Variants in TRIM61 observed in about 807,000 individuals in gnomAD.
TRIM61 encodes tripartite motif containing 61.
In TRIM61, 1 loss-of-function variant was observed where a neutral mutation model predicts 14.2. The observed-to-expected ratio is 0.07, with a 90% CI of 0.03 to 0.33. TRIM61 has a LOEUF of 0.33. Among genes scored for constraint, TRIM61 ranks in the 10% least tolerant of loss-of-function variants. The pLI is 0.99. For missense variants in TRIM61, 19 were observed against 202.2 expected, an observed-to-expected ratio of 0.09 and a Z score of 5.49; for synonymous variants, 8 against 71.6, an observed-to-expected ratio of 0.11 and a Z score of 4.49.
chr4:164,975,810 G>A (rs1732468523), intron 2 of TRIM61, among the ~76,000 whole-genome samples: 1 of 152,080 alleles, frequency 6.6e-6, no homozygotes, highest in African/African-American at 2.4e-5. Context: ...CCCGTAAAGG[G>A]TCTGTGCTGA....
chr4:164,964,323 G>A (rs1417830259), intron 3 of TRIM61, among the ~76,000 whole-genome samples: 1 of 150,350 alleles, frequency 6.7e-6, no homozygotes, highest in Non-Finnish European at 1.5e-5. Context: ...ACTCCAGCCT[G>A]GGTGACAGAG....
intron 2 of TRIM61, among the ~76,000 whole-genome samples, chr4:164,972,392 A>G (rs1732388942): frequency 1.3e-5 from 2 of 152,202 alleles, no homozygotes; most frequent in Admixed American, 6.5e-5. Context: ...AGAGCCATGT[A>G]TTGCATTTGC....
At chr4:164,977,329 T>C (rs919610004) in intron 1 of TRIM61, among the ~76,000 whole-genome samples, 2 of 152,172 alleles carry the variant, frequency 1.3e-5, no homozygotes, top group Non-Finnish European at 2.9e-5. Flanking sequence ...ATTTAAAGCT[T>C]AATTGATACA....
At chr4:164,960,177 A>G (rs116642202) in intron 3 of TRIM61, among the ~76,000 whole-genome samples, 48 of 152,254 alleles carry the variant, frequency 3.2e-4, no homozygotes, top group African/African-American at 1.2e-3. Context: ...ATTCTATATC[A>G]CAGCCCTCAG....
chr4:164,967,662 AAAAT>A lies in TRIM61; in HGVS notation c.525+1812_525+1815del, dbSNP rs1025012567. On this transcript the variant is annotated intron_variant, in intron 3 of 4. Coordinates refer to ENST00000329314, the MANE Select transcript of TRIM61 (RefSeq NM_001012414.3). ...ATACTAACAAAGGCACACACAATAA[AAAAT>A]AAAGTAAGTTACTTAGAAATATGGA... 7.9e-5 allele frequency among the ~76,000 whole-genome samples: 12 copies of A among 152,148 alleles called. No individual in the cohort carries two copies. The South Asian group carries it at 1.0e-3, about 13-fold the overall frequency.
intron 3 of TRIM61, chr4:164,956,851 C>T (rs1157201461): frequency 9.1e-6 from 6 of 662,738 alleles, no homozygotes; most frequent in Middle Eastern, 4.2e-4. Flanking sequence ...CTTCAGCACC[C>T]CAAGCACTGC....
chr4:164,967,444 T>C, intron 3 of TRIM61, among the ~76,000 whole-genome samples: 1 of 152,200 alleles, frequency 6.6e-6, no homozygotes, highest in East Asian at 1.9e-4. Flanking sequence ...AAGATGGAAC[T>C]AAGTTAAGAT....
intron 2 of TRIM61, among the ~76,000 whole-genome samples, chr4:164,975,802 C>T (rs1013229494): frequency 2.6e-5 from 4 of 152,110 alleles, no homozygotes; most frequent in African/African-American, 7.2e-5. Flanking sequence ...GCCTGACACC[C>T]GTAAAGGGTC....
intron 3 of TRIM61, among the ~76,000 whole-genome samples, chr4:164,960,764 A>G (rs1360476266): frequency 1.3e-5 from 2 of 152,142 alleles, no homozygotes; most frequent in African/African-American, 2.4e-5. Context: ...CAGCCTAACC[A>G]ACGTGGTGAA....
chr4:164,957,300 G>GCCGCGTGCCCTGTCAGCC, intron 3 of TRIM61: 1 of 1,614,158 alleles, frequency 6.2e-7, no homozygotes, highest in Non-Finnish European at 8.5e-7. Flanking sequence ...AGCCGCTCAT[G>GCCGCGTGCCCTGTCAGCC]GTGCCCAGAG....
chr4:164,966,242 G>A (rs1732236491), intron 3 of TRIM61, among the ~76,000 whole-genome samples: 1 of 152,122 alleles, frequency 6.6e-6, no homozygotes, highest in African/African-American at 2.4e-5. Context: ...TTAACTACAG[G>A]AAACTGTTAT....
Position 164,959,810 on chromosome 4 carries a change from A to G in TRIM61, c.526-4714T>C, listed in dbSNP as rs574334924. The stretch of plus-strand genomic sequence containing the variant: ...ACTCTGCCTAACTCCTGGCTCGATT[A>G]ATACAAACACACCCTCACTACGGGC... On this transcript the variant is annotated intron_variant, in intron 3 of 4. Coordinates refer to ENST00000329314, the MANE Select transcript of TRIM61 (RefSeq NM_001012414.3). Among the ~76,000 whole-genome samples the G allele has an allele frequency of 5.3e-5, 8 of 152,342 alleles. No individual in the cohort carries two copies. The East Asian group carries it at 1.5e-3, about 29-fold the overall frequency.
chr4:164,955,118 AATT>A (rs1172117844), intron 3 of TRIM61: 1 of 201,712 alleles, frequency 5.0e-6, no homozygotes, highest in Non-Finnish European at 1.0e-5. Flanking sequence ...AAAAAAAAAA[AATT>A]ATTATGGTAT....
chr4:164,957,047 G>A (rs892756639), intron 3 of TRIM61: 8 of 1,507,820 alleles, frequency 5.3e-6, no homozygotes, highest in Non-Finnish European at 5.3e-6. Flanking sequence ...GGTGCGGCGG[G>A]GCAGCTGTCC....
chr4:164,967,302 A>T (rs1181587680), intron 3 of TRIM61, among the ~76,000 whole-genome samples: 1 of 152,236 alleles, frequency 6.6e-6, no homozygotes, highest in East Asian at 1.9e-4. Flanking sequence ...CTCCGTATTA[A>T]TCTAAAAAGA....
chr4:164,966,089 C>A (rs1386098305), intron 3 of TRIM61, among the ~76,000 whole-genome samples: 1 of 152,182 alleles, frequency 6.6e-6, no homozygotes, highest in African/African-American at 2.4e-5. Context: ...GATGAGAAGG[C>A]TCCTTGAGAG....
intron 3 of TRIM61, chr4:164,958,938 C>T (rs1732073179): frequency 6.0e-6 from 1 of 167,032 alleles, no homozygotes; most frequent in Admixed American, 6.5e-5. Flanking sequence ...GAATTTAGGT[C>T]TCTCGCACCA....
rs1731935019 is a variant in TRIM61, at chr4:164,954,557, T to G, written c.*228A>C. 6.6e-6 allele frequency: 1 copy of G among 152,268 alleles called. No homozygotes were observed. The highest frequency in any genetic ancestry group is 1.5e-5 in the Non-Finnish European group (1 of 68,046). The allele number at this position is 152,268 out of a possible 1,614,324, so 9.4% of individuals were successfully genotyped here. On this transcript the variant is annotated 3_prime_UTR_variant, in exon 5 of 5. Coordinates refer to ENST00000329314, the MANE Select transcript of TRIM61 (RefSeq NM_001012414.3). Reference sequence around the variant, plus strand: ...ATATTGATTATAATTCAATATGTTCTTGTATTAATTAGCATATTTATATGT... The same window carrying G: ...ATATTGATTATAATTCAATATGTTCGTGTATTAATTAGCATATTTATATGT...
chr4:164,957,049 C>T, intron 3 of TRIM61: 1 of 1,507,568 alleles, frequency 6.6e-7, no homozygotes, highest in Non-Finnish European at 8.9e-7. Context: ...TGCGGCGGGG[C>T]AGCTGTCCTC....
Sources: gnomAD v4.1 joint callset for allele counts (sites outside exome capture counted in the v4.1 genomes callset) on GRCh38, gnomAD v4.1.1 for gene constraint, MANE v1.5 for transcripts, NCBI Gene and HGNC (gene_info 2026-07-23, HGNC 2026-07-21) for gene names.